Variants in EXOC4 observed in about 807,000 individuals in gnomAD.
EXOC4 encodes the protein exocyst complex component 4.
In EXOC4, 71 loss-of-function variants were observed where a neutral mutation model predicts 107.2. That is an observed-to-expected ratio of 0.66 (90% CI 0.55 to 0.81). The LOEUF is 0.81. EXOC4 is among the 30% of genes least tolerant of loss of function. The pLI, the probability that EXOC4 is intolerant of heterozygous loss-of-function variation, is 0.00. For synonymous variants in EXOC4, 456 were observed against 441.2 expected, an observed-to-expected ratio of 1.03 and a Z score of -0.42; for missense variants, 1,108 against 1,189.6, an observed-to-expected ratio of 0.93 and a Z score of 1.01.
chr7:133,421,395 A>C (rs1222235030), intron 7 of EXOC4, among the ~76,000 whole-genome samples: 1 of 152,220 alleles, frequency 6.6e-6, no homozygotes, highest in Non-Finnish European at 1.5e-5. Flanking sequence ...TTTGGGACCA[A>C]ATGATGACAG....
At chr7:134,099,997 G>A in the EXOC4 span, among the ~76,000 whole-genome samples, 190 of 152,242 alleles carry the variant, frequency 1.2e-3, 1 homozygote, top group African/African-American at 4.1e-3. Flanking sequence ...ATGAGCCACT[G>A]CACCTGGCCC....
chr7:133,343,502 C>T (rs927645107), intron 5 of EXOC4, among the ~76,000 whole-genome samples: 4 of 151,938 alleles, frequency 2.6e-5, no homozygotes, highest in African/African-American at 9.7e-5. Context: ...AATTTGACCT[C>T]CTGGGCTCAA....
chr7:133,604,868 C>T (rs1801902039), intron 9 of EXOC4, among the ~76,000 whole-genome samples: 1 of 151,560 alleles, frequency 6.6e-6, no homozygotes, highest in South Asian at 2.1e-4. Flanking sequence ...GGATTGCAAG[C>T]ATGTGCCACC....
chr7:133,953,116 A>T (rs886285750), intron 14 of EXOC4, among the ~76,000 whole-genome samples: 1 of 152,214 alleles, frequency 6.6e-6, no homozygotes, highest in Non-Finnish European at 1.5e-5. Context: ...CTTCTGAAGG[A>T]AAGTTCAGCA....
At chr7:133,364,364 C>A (rs1337586484) in intron 6 of EXOC4, among the ~76,000 whole-genome samples, 1 of 151,276 alleles carries the variant, frequency 6.6e-6, no homozygotes, top group African/African-American at 2.4e-5. Flanking sequence ...TGGCCTTGAA[C>A]TCCCGGTCTC....
intron 10 of EXOC4, among the ~76,000 whole-genome samples, chr7:133,692,732 GTC>G (rs1476972850): frequency 1.3e-5 from 2 of 152,190 alleles, no homozygotes; most frequent in Non-Finnish European, 2.9e-5. Context: ...ATACGTATCA[GTC>G]TCTGTGTAAA....
intron 10 of EXOC4, among the ~76,000 whole-genome samples, chr7:133,757,336 A>G (rs1795939957): frequency 6.6e-6 from 1 of 152,238 alleles, no homozygotes; most frequent in Non-Finnish European, 1.5e-5. Flanking sequence ...GTTTTAGGAA[A>G]AAAATATGAA....
chr7:133,714,696 G>A (rs1258336842), intron 10 of EXOC4, among the ~76,000 whole-genome samples: 1 of 152,170 alleles, frequency 6.6e-6, no homozygotes, highest in Non-Finnish European at 1.5e-5. Flanking sequence ...ACCTAGCGAT[G>A]ATTTAAAGTA....
intron 2 of EXOC4, 83 bp from the exon 3 acceptor site, chr7:133,288,839 A>T: frequency 9.2e-7 from 1 of 1,085,994 alleles, no homozygotes; most frequent in Non-Finnish European, 1.4e-6. Context: ...ATACAGTAGT[A>T]CCAGTGAAGA....
chr7:133,650,918 T>C (rs1172147856), intron 10 of EXOC4, among the ~76,000 whole-genome samples: 2 of 144,750 alleles, frequency 1.4e-5, no homozygotes, highest in Admixed American at 7.1e-5. Context: ...GCTTTCTTAG[T>C]ACATACTGAG....
intron 10 of EXOC4, among the ~76,000 whole-genome samples, chr7:133,703,214 T>A (rs565200686): frequency 6.6e-6 from 1 of 152,282 alleles, no homozygotes; most frequent in South Asian, 2.1e-4. Flanking sequence ...AGTCACAGTG[T>A]TCTAGGTGTT....
chr7:133,542,526 G>C (rs1800400419), intron 9 of EXOC4, among the ~76,000 whole-genome samples: 1 of 152,110 alleles, frequency 6.6e-6, no homozygotes, highest in South Asian at 2.1e-4. Flanking sequence ...AGAAAGTTAG[G>C]GTAATATTTT....
At chr7:133,423,451 A>G (rs1048916914) in intron 7 of EXOC4, among the ~76,000 whole-genome samples, 1 of 152,216 alleles carries the variant, frequency 6.6e-6, no homozygotes, top group African/African-American at 2.4e-5. Context: ...CTTACTTTAC[A>G]TCACTTTGCT....
intron 14 of EXOC4, among the ~76,000 whole-genome samples, chr7:133,967,611 G>T (rs549653978): frequency 4.6e-5 from 7 of 152,296 alleles, no homozygotes; most frequent in African/African-American, 1.7e-4. Flanking sequence ...GGAGCAGGTT[G>T]TTTAGTTTCC....
chr7:133,792,917 G>C (rs1165390248), intron 10 of EXOC4, among the ~76,000 whole-genome samples: 4 of 152,150 alleles, frequency 2.6e-5, no homozygotes, highest in Non-Finnish European at 5.9e-5. Flanking sequence ...CATTAGTATA[G>C]AGAGAACCAA....
intron 10 of EXOC4, among the ~76,000 whole-genome samples, chr7:133,715,243 G>A (rs1794975657): frequency 6.6e-6 from 1 of 152,110 alleles, no homozygotes; most frequent in Non-Finnish European, 1.5e-5. Context: ...AAACTCCTGG[G>A]CTAAAGTAGT....
chr7:134,023,100 A>G (rs767815900), intron 17 of EXOC4, among the ~76,000 whole-genome samples: 1 of 152,202 alleles, frequency 6.6e-6, no homozygotes, highest in Non-Finnish European at 1.5e-5. Flanking sequence ...TGTATGGAAA[A>G]TTGTGCTAAA....
At chr7:133,910,174 G>T (rs933103786) in intron 12 of EXOC4, among the ~76,000 whole-genome samples, 1 of 152,032 alleles carries the variant, frequency 6.6e-6, no homozygotes, top group Non-Finnish European at 1.5e-5. Flanking sequence ...CACCCATCTC[G>T]GCCTCCCAAA....
At position 133,741,481 on chromosome 7, in the gene EXOC4, G is replaced by A. The variant is rs187855526; in HGVS notation, c.1515-75844G>A. ...TCATAATTATTGTTCCTATCACATG[G>A]TATCATAATTATTAGAGTGTTTCTC... On this transcript the variant is annotated intron_variant, in intron 10 of 17. Coordinates refer to ENST00000253861, the MANE Select transcript of EXOC4 (RefSeq NM_021807.4). Among the ~76,000 whole-genome samples, 8 of 152,164 alleles carry A rather than the reference G, an allele frequency of 5.3e-5. No individual in the cohort carries two copies. In the East Asian group the frequency reaches 1.5e-3, roughly 29 times the overall value.
Sources: gnomAD v4.1 joint callset for allele counts (sites outside exome capture counted in the v4.1 genomes callset) on GRCh38, gnomAD v4.1.1 for gene constraint, MANE v1.5 for transcripts, NCBI Gene and HGNC (gene_info 2026-07-23, HGNC 2026-07-21) for gene names.